Variants in TBL1XR1 observed in about 807,000 individuals in gnomAD.
The protein encoded by TBL1XR1 is F-box-like/WD repeat-containing protein TBL1XR1.
In TBL1XR1, 5 loss-of-function variants were observed where a neutral mutation model predicts 66.9. The observed-to-expected ratio is 0.07, with a 90% confidence interval of 0.04 to 0.16. TBL1XR1 has a LOEUF of 0.16. TBL1XR1 is among the 10% of genes least tolerant of loss of function. The probability of loss-of-function intolerance (pLI) is 1.00; values close to 1 mark genes in which losing one functional copy is unlikely to be tolerated. For synonymous variants in TBL1XR1, 210 were observed against 206.0 expected (o/e 1.02, Z -0.17); for missense variants, 238 against 623.2 (o/e 0.38, Z 6.58).
chr3:177,133,155 C>T (rs1257706016), intron 1 of TBL1XR1, among the ~76,000 whole-genome samples: 5 of 151,970 alleles, frequency 3.3e-5, no homozygotes, highest in African/African-American at 9.7e-5. Flanking sequence ...GGCATGGTGG[C>T]GCACATCTGT....
intron 2 of TBL1XR1, among the ~76,000 whole-genome samples, chr3:177,070,190 T>C (rs558302333): frequency 2.0e-5 from 3 of 152,208 alleles, no homozygotes; most frequent in African/African-American, 7.2e-5. Flanking sequence ...CCAAGAGTCA[T>C]TAGCTACAAA....
chr3:177,177,125 C>G (rs969844471), intron 1 of TBL1XR1, among the ~76,000 whole-genome samples: 3 of 152,194 alleles, frequency 2.0e-5, no homozygotes, highest in African/African-American at 7.2e-5. Flanking sequence ...TATGCCAATG[C>G]CAATGAATAC....
chr3:177,125,028 T>C (rs993364355), intron 1 of TBL1XR1, among the ~76,000 whole-genome samples: 3 of 151,924 alleles, frequency 2.0e-5, no homozygotes, highest in South Asian at 2.1e-4. Context: ...GTTTCATAGA[T>C]ATGCCACCAA....
At chr3:177,088,410 G>A (rs1201285) in intron 2 of TBL1XR1, among the ~76,000 whole-genome samples, 22,415 of 152,116 alleles carry the variant, frequency 0.15, 1,904 homozygotes, top group South Asian at 0.38. Flanking sequence ...AATGAACTTC[G>A]TGTTTAGACT....
intron 3 of TBL1XR1, among the ~76,000 whole-genome samples, chr3:177,061,607 T>C (rs1388399196): frequency 6.6e-6 from 1 of 152,258 alleles, no homozygotes; most frequent in Non-Finnish European, 1.5e-5. Flanking sequence ...TTTGCCACGA[T>C]GTTCCTTTTC....
At chr3:177,037,258 C>A (rs1371250075) in intron 12 of TBL1XR1, 1 of 149,774 alleles carries the variant, frequency 6.7e-6, no homozygotes, top group Non-Finnish European at 1.5e-5. Flanking sequence ...TTTACATATG[C>A]AAATAAACTT....
intron 1 of TBL1XR1, among the ~76,000 whole-genome samples, chr3:177,103,272 T>C (rs1724455693): frequency 6.6e-6 from 1 of 152,146 alleles, no homozygotes; most frequent in Non-Finnish European, 1.5e-5. Flanking sequence ...AAGTACATGA[T>C]CAATCACATT....
At chr3:177,127,489 CTT>C (rs985749008) in intron 1 of TBL1XR1, among the ~76,000 whole-genome samples, 2 of 152,096 alleles carry the variant, frequency 1.3e-5, no homozygotes, top group Admixed American at 1.3e-4. Flanking sequence ...TCAAGAAACA[CTT>C]TGGATTGCAA....
At chr3:177,080,749 CTG>C (rs1250089657) in intron 2 of TBL1XR1, among the ~76,000 whole-genome samples, 1 of 152,130 alleles carries the variant, frequency 6.6e-6, no homozygotes, top group African/African-American at 2.4e-5. Context: ...ACCTCAAAAA[CTG>C]TGGTTTTCTA....
intron 1 of TBL1XR1, among the ~76,000 whole-genome samples, chr3:177,154,525 T>C (rs1731264631): frequency 6.6e-6 from 1 of 151,988 alleles, no homozygotes; most frequent in South Asian, 2.1e-4. Flanking sequence ...GCTTCCCGAG[T>C]AGCTGGGATT....
chr3:177,105,953 T>C (rs1425426609), intron 1 of TBL1XR1, among the ~76,000 whole-genome samples: 1 of 152,064 alleles, frequency 6.6e-6, no homozygotes, highest in African/African-American at 2.4e-5. Context: ...GTGAGAGGTG[T>C]TCAGAACTAG....
At chr3:177,124,857 C>T (rs1021727251) in intron 1 of TBL1XR1, among the ~76,000 whole-genome samples, 12 of 151,892 alleles carry the variant, frequency 7.9e-5, no homozygotes, top group African/African-American at 1.2e-4. Context: ...AATGGTGTTA[C>T]GACAACTGAA....
At chr3:177,028,893 A>C (rs539521266) in intron 14 of TBL1XR1, among the ~76,000 whole-genome samples, 2 of 152,350 alleles carry the variant, frequency 1.3e-5, no homozygotes, top group Non-Finnish European at 2.9e-5. Flanking sequence ...CAAACTGCAT[A>C]TACATGAACT....
chr3:177,075,980 AC>A (rs964886174), intron 2 of TBL1XR1, among the ~76,000 whole-genome samples: 2 of 152,186 alleles, frequency 1.3e-5, no homozygotes, highest in African/African-American at 4.8e-5. Context: ...AAACAAAAAA[AC>A]AAAATACAAC....
At chr3:177,054,705 T>C (rs1717581445) in intron 3 of TBL1XR1, among the ~76,000 whole-genome samples, 1 of 152,198 alleles carries the variant, frequency 6.6e-6, no homozygotes, top group East Asian at 1.9e-4. Flanking sequence ...TATGTATGAA[T>C]TAAGTGCTTT....
chr3:177,200,630 A>T (rs1180974801), upstream of TBL1XR1, among the ~76,000 whole-genome samples: 2 of 152,218 alleles, frequency 1.3e-5, no homozygotes, highest in African/African-American at 4.8e-5. Flanking sequence ...TAACACTCCC[A>T]TTACACTTTG....
intron 1 of TBL1XR1, among the ~76,000 whole-genome samples, chr3:177,107,331 T>C (rs1022300951): frequency 2.0e-5 from 3 of 152,218 alleles, no homozygotes; most frequent in African/African-American, 7.2e-5. Context: ...TGAAAAAAAG[T>C]TTTCAAATTG....
At chr3:177,090,555 G>T (rs1464326782) in intron 2 of TBL1XR1, among the ~76,000 whole-genome samples, 1 of 151,062 alleles carries the variant, frequency 6.6e-6, no homozygotes, top group African/African-American at 2.4e-5. Context: ...GGGTGCAGTG[G>T]CTCACATCCG....
chr3:177,059,003 T>C (rs774148335), intron 3 of TBL1XR1, among the ~76,000 whole-genome samples: 17 of 152,336 alleles, frequency 1.1e-4, no homozygotes, highest in Middle Eastern at 6.8e-3. Flanking sequence ...GATACAACCA[T>C]GTGTGTAAAA....
Sources: allele counts gnomAD v4.1 joint callset (sites outside exome capture counted in the v4.1 genomes callset), GRCh38; gene constraint gnomAD v4.1.1; transcripts MANE v1.5; gene names NCBI Gene and HGNC (gene_info 2026-07-23, HGNC 2026-07-21).